Variants in WWOX observed in about 807,000 individuals in gnomAD.
The protein encoded by WWOX is WW domain containing oxidoreductase, also known as WW domain-containing oxidoreductase.
WWOX carries 69 observed loss-of-function variants against 46.2 expected under a neutral mutation model. The ratio of observed to expected loss-of-function variants is 1.49; its 90% CI spans 1.23 to 1.82. The LOEUF is 1.82. Ranked by LOEUF, WWOX falls within the 40% of genes most tolerant of loss-of-function variation. WWOX has a pLI of 0.00. For synonymous variants in WWOX, 359 were observed against 202.6 expected (o/e 1.77, Z -6.56); for missense variants, 919 against 542.6 (o/e 1.69, Z -6.89).
rs751207608 is a variant in WWOX, at chr16:79,167,759, G to A, written c.1057-43849G>A. On this transcript the variant is annotated intron_variant, in intron 8 of 8. Transcript: ENST00000566780. ...TTGTTTTAGTTGAGATGAAATTCAC[G>A]TAATATACAGTTAACCATTTTAAAG... Among the ~76,000 whole-genome samples the A allele has an allele frequency of 2.6e-5, 4 of 152,180 alleles. 1 individual carries two copies. Among genetic ancestry groups the A allele is most frequent in the Middle Eastern group, 6.3e-3 (2 of 316 alleles).
At chr16:78,653,601 G>T (rs1279118170) in intron 8 of WWOX, among the ~76,000 whole-genome samples, 3 of 152,220 alleles carry the variant, frequency 2.0e-5, no homozygotes, top group Non-Finnish European at 4.4e-5. Context: ...TGGACTAGCA[G>T]TTGCCAGCTT....
chr16:79,051,297 C>A (rs1041264098), intron 8 of WWOX, among the ~76,000 whole-genome samples: 1 of 152,160 alleles, frequency 6.6e-6, no homozygotes, highest in Non-Finnish European at 1.5e-5. Context: ...GGAGACCCTA[C>A]TAAAACCTAA....
chr16:78,842,197 T>G (rs1235616974), intron 8 of WWOX, among the ~76,000 whole-genome samples: 2 of 151,966 alleles, frequency 1.3e-5, no homozygotes, highest in South Asian at 2.1e-4. Context: ...GAGGAGGAAG[T>G]CAAAATTCAA....
At chr16:78,922,567 C>T (rs2045403754) in intron 8 of WWOX, among the ~76,000 whole-genome samples, 2 of 152,066 alleles carry the variant, frequency 1.3e-5, no homozygotes, top group Non-Finnish European at 2.9e-5. Context: ...TTAGTAGAGA[C>T]AGGGTTTCAC....
intron 8 of WWOX, among the ~76,000 whole-genome samples, chr16:79,198,099 T>C (rs184885339): frequency 1.3e-5 from 2 of 150,744 alleles, no homozygotes; most frequent in African/African-American, 4.9e-5. Flanking sequence ...CCAAGACAGG[T>C]GGATCACCTG....
intron 8 of WWOX, among the ~76,000 whole-genome samples, chr16:78,707,121 A>G (rs2048343289): frequency 1.3e-5 from 2 of 152,224 alleles, no homozygotes; most frequent in Admixed American, 6.5e-5. Flanking sequence ...GAGCCTTCCT[A>G]TAGTGTTGAT....
intron 4 of WWOX, among the ~76,000 whole-genome samples, chr16:78,125,872 A>G (rs1055354715): frequency 6.6e-6 from 1 of 152,164 alleles, no homozygotes; most frequent in African/African-American, 2.4e-5. Flanking sequence ...CTCATTTAAT[A>G]TAAGTAATTA....
At position 78,867,484 on chromosome 16, in the gene WWOX, T is replaced by TTGTGTGTG. The variant is rs4035599; in HGVS notation, c.1057-344104_1057-344097dup. ...TGAGACTCAGAGAAGTTAAATGATT[T>TTGTGTGTG]TGTGTGTGTGTGTGTGTGTGTGTGT... On this transcript the variant is annotated intron_variant, in intron 8 of 8. Transcript: ENST00000566780. Among the ~76,000 whole-genome samples the TTGTGTGTG allele has an allele frequency of 3.5e-3, 521 of 148,982 alleles. 2 individuals are homozygous for TTGTGTGTG. The highest frequency in any genetic ancestry group is 0.011 in the African/African-American group (446 of 40,500).
chr16:78,203,220 C>G (rs1358741592), intron 5 of WWOX, among the ~76,000 whole-genome samples: 1 of 152,066 alleles, frequency 6.6e-6, no homozygotes, highest in East Asian at 1.9e-4. Context: ...TTCTGTTGGA[C>G]TTAGTGCAAA....
chr16:78,353,583 C>G (rs994262931), intron 5 of WWOX, among the ~76,000 whole-genome samples: 1 of 152,180 alleles, frequency 6.6e-6, no homozygotes, highest in Non-Finnish European at 1.5e-5. Flanking sequence ...TTGGTATTCA[C>G]CAAGGAATTT....
chr16:78,607,176 A>AC (rs1491586837), intron 8 of WWOX, among the ~76,000 whole-genome samples: 1 of 152,194 alleles, frequency 6.6e-6, no homozygotes, highest in Non-Finnish European at 1.5e-5. Context: ...CACAATAAAT[A>AC]CACAGTTAAT....
chr16:78,723,592 C>CTT (rs962800771), intron 8 of WWOX, among the ~76,000 whole-genome samples: 19 of 72,440 alleles, frequency 2.6e-4, no homozygotes, highest in African/African-American at 8.8e-4. Flanking sequence ...CTTTTCTTTT[C>CTT]TTTTCTTTTC....
At chr16:79,029,613 G>C (rs2047713988) in intron 8 of WWOX, among the ~76,000 whole-genome samples, 1 of 151,994 alleles carries the variant, frequency 6.6e-6, no homozygotes, top group African/African-American at 2.4e-5. Context: ...AGAAAGTTAG[G>C]GTAATATATT....
chr16:78,996,378 CCCCG>C (rs796927814), intron 8 of WWOX: 35,434 of 657,780 alleles, frequency 0.054, 46 homozygotes, highest in East Asian at 0.13. Flanking sequence ...CTGCACCCAC[CCCCG>C]CCCCCCAGCT....
intron 8 of WWOX, chr16:79,206,248 A>G (rs2045439897): frequency 6.6e-6 from 1 of 152,292 alleles, no homozygotes; most frequent in African/African-American, 2.4e-5. Context: ...AAGGCGGCAG[A>G]GCAGGCAGAG....
chr16:78,307,517 C>T (rs1449345779), intron 5 of WWOX, among the ~76,000 whole-genome samples: 1 of 152,172 alleles, frequency 6.6e-6, no homozygotes, highest in African/African-American at 2.4e-5. Context: ...CTGGTGGCTT[C>T]TAGCCCCTGA....
intron 8 of WWOX, among the ~76,000 whole-genome samples, chr16:78,741,167 A>T (rs1028894066): frequency 2.0e-5 from 3 of 152,212 alleles, no homozygotes; most frequent in Non-Finnish European, 4.4e-5. Context: ...AGTAGTTGTG[A>T]CAGAGACCAT....
At position 78,997,136 on chromosome 16, in the gene WWOX, G is replaced by A. The variant is rs534201979; in HGVS notation, c.1057-214472G>A. 3.9e-5 allele frequency among the ~76,000 whole-genome samples: 6 copies of A among 152,008 alleles called. No homozygotes were observed. The South Asian group carries it at 8.3e-4, about 21-fold the overall frequency. ...ATGTAGACATATGTTCGAGTGGTTC[G>A]TGTGTGTGCCTGGTGAGGGGGGTGC... On this transcript the variant is annotated intron_variant, in intron 8 of 8. Transcript: ENST00000566780.
At chr16:78,682,501 C>T (rs756998387) in intron 8 of WWOX, among the ~76,000 whole-genome samples, 18 of 152,034 alleles carry the variant, frequency 1.2e-4, no homozygotes, top group South Asian at 2.1e-4. Context: ...GAGGATACCA[C>T]GAGCCCAGGA....
Sources: allele counts gnomAD v4.1 joint callset (sites outside exome capture counted in the v4.1 genomes callset), GRCh38; gene constraint gnomAD v4.1.1; transcripts MANE v1.5; gene names NCBI Gene and HGNC (gene_info 2026-07-23, HGNC 2026-07-21).